LINGO1: variants seen among roughly 807,000 people sequenced by gnomAD.
LINGO1 encodes the protein leucine rich repeat and Ig domain containing 1.
Under a neutral mutation model 37.3 loss-of-function variants are expected in LINGO1, and 11 were observed. That is an observed-to-expected ratio of 0.29 (90% confidence interval 0.19 to 0.49). The LOEUF is 0.49. Among genes scored for constraint, LINGO1 ranks in the 20% least tolerant of loss-of-function variants. The pLI is 0.99. For synonymous variants in LINGO1, 387 were observed against 403.0 expected, an observed-to-expected ratio of 0.96 and a Z score of 0.48; for missense variants, 585 against 878.2, an observed-to-expected ratio of 0.67 and a Z score of 4.22.
intron 2 of LINGO1, among the ~76,000 whole-genome samples, chr15:77,724,410 C>A (rs1393800353): frequency 1.4e-4 from 21 of 152,208 alleles, no homozygotes; most frequent in Admixed American, 1.4e-3. Context: ...AACGCGGGGA[C>A]TTATCAGGTC....
intron 2 of LINGO1, among the ~76,000 whole-genome samples, chr15:77,680,137 T>C (rs972550086): frequency 3.3e-5 from 5 of 152,210 alleles, no homozygotes; most frequent in Non-Finnish European, 2.9e-5. Context: ...TTCTCTGCCA[T>C]GGTGACTGGA....
At chr15:77,740,600 A>C (rs1198564318) in intron 1 of LINGO1, among the ~76,000 whole-genome samples, 1 of 152,122 alleles carries the variant, frequency 6.6e-6, no homozygotes, top group Non-Finnish European at 1.5e-5. Context: ...GTGTGTGTCA[A>C]GGGGAAGACA....
chr15:77,619,800 C>T (rs903623469), intron 1 of LINGO1, among the ~76,000 whole-genome samples: 1 of 152,206 alleles, frequency 6.6e-6, no homozygotes, highest in Non-Finnish European at 1.5e-5. Context: ...AGCTGCCACC[C>T]CCAGGCCTGG....
chr15:77,816,694 C>A (rs1216479305), intron 1 of LINGO1, among the ~76,000 whole-genome samples: 1 of 152,034 alleles, frequency 6.6e-6, no homozygotes, highest in South Asian at 2.1e-4. Flanking sequence ...TTTTCATCCC[C>A]GGCAGAATAG....
intron 3 of LINGO1, among the ~76,000 whole-genome samples, chr15:77,657,379 G>A (rs1303033445): frequency 6.6e-6 from 1 of 152,124 alleles, no homozygotes; most frequent in Non-Finnish European, 1.5e-5. Flanking sequence ...GGGCAGTGAA[G>A]GTTGGGACCC....
chr15:77,770,609 A>G (rs1470490022), intron 1 of LINGO1, among the ~76,000 whole-genome samples: 1 of 151,382 alleles, frequency 6.6e-6, no homozygotes, highest in African/African-American at 2.4e-5. Flanking sequence ...AAAAAAAAAA[A>G]AAGATATGGA....
chr15:77,781,141 A>T (rs1270921397), intron 1 of LINGO1, among the ~76,000 whole-genome samples: 2 of 152,236 alleles, frequency 1.3e-5, no homozygotes, highest in African/African-American at 2.4e-5. Context: ...TGAGGAGCAC[A>T]GGGACAGTCC....
chr15:77,622,926 CT>C (rs2073968741), intron 1 of LINGO1, among the ~76,000 whole-genome samples: 2 of 152,236 alleles, frequency 1.3e-5, no homozygotes. Flanking sequence ...CGGCCACCCT[CT>C]GCCCACACTG....
intron 1 of LINGO1, chr15:77,796,114 A>C (rs1440279216): frequency 2.0e-5 from 3 of 152,360 alleles, no homozygotes; most frequent in Non-Finnish European, 4.4e-5. Flanking sequence ...GTCGGGGTGC[A>C]GTGGGGGCCA....
At chr15:77,711,038 C>G (rs1417368431) in intron 2 of LINGO1, among the ~76,000 whole-genome samples, 2 of 152,220 alleles carry the variant, frequency 1.3e-5, no homozygotes, top group Non-Finnish European at 2.9e-5. Context: ...CCCCAGCCCC[C>G]TCTCTGAGCC....
chr15:77,805,154 C>T (rs895571118), intron 1 of LINGO1, among the ~76,000 whole-genome samples: 3 of 152,214 alleles, frequency 2.0e-5, no homozygotes, highest in African/African-American at 7.2e-5. Context: ...CCTCAGCATC[C>T]CCTAATCCTG....
chr15:77,647,729 G>A (rs1278273845), intron 3 of LINGO1: 7 of 393,266 alleles, frequency 1.8e-5, no homozygotes, highest in South Asian at 5.7e-5. Context: ...GTGCTCCCCC[G>A]CCCCATGCCC....
intron 1 of LINGO1, among the ~76,000 whole-genome samples, chr15:77,815,648 A>G (rs1359964685): frequency 6.6e-6 from 1 of 151,904 alleles, no homozygotes; most frequent in Non-Finnish European, 1.5e-5. Flanking sequence ...GACACTTGCC[A>G]CCTCTGTATG....
At chr15:77,808,650 T>C (rs1316888789) in intron 1 of LINGO1, among the ~76,000 whole-genome samples, 1 of 152,088 alleles carries the variant, frequency 6.6e-6, no homozygotes, top group Non-Finnish European at 1.5e-5. Context: ...GAAGCAATGC[T>C]CCTATGTTCA....
At chr15:77,699,722 A>AAGCACATACTAACCATCACCTGCACACAG (rs1567532202), upstream of LINGO1, among the ~76,000 whole-genome samples, 15 of 13,352 alleles carry the variant, frequency 1.1e-3, no homozygotes, top group Admixed American at 2.7e-3. Flanking sequence ...CCCACACACA[A>AAGCACATACTAACCATCACCTGCACACAG]TAAGCACATA....
At chr15:77,672,365 A>C (rs2075265610) in intron 3 of LINGO1, among the ~76,000 whole-genome samples, 1 of 152,020 alleles carries the variant, frequency 6.6e-6, no homozygotes, top group African/African-American at 2.4e-5. Context: ...ATGCCTGCAG[A>C]GGTGTTAACT....
intron 1 of LINGO1, among the ~76,000 whole-genome samples, chr15:77,752,604 A>C (rs2076382936): frequency 6.6e-6 from 1 of 152,202 alleles, no homozygotes; most frequent in South Asian, 2.1e-4. Context: ...GGCCCCATAG[A>C]CAACCACAGC....
intron 2 of LINGO1, among the ~76,000 whole-genome samples, chr15:77,719,287 A>G (rs774714716): frequency 3.3e-5 from 5 of 149,928 alleles, no homozygotes; most frequent in Non-Finnish European, 7.4e-5. Context: ...AACCCCACAA[A>G]GTCTCCTGCC....
At chr15:77,789,642 G>C (rs1051912083), upstream of LINGO1, among the ~76,000 whole-genome samples, 1 of 152,148 alleles carries the variant, frequency 6.6e-6, no homozygotes, top group Non-Finnish European at 1.5e-5. Flanking sequence ...GTTAAATATT[G>C]TATGGAGAAC....
Sources: allele counts gnomAD v4.1 joint callset (sites outside exome capture counted in the v4.1 genomes callset), GRCh38; gene constraint gnomAD v4.1.1; transcripts MANE v1.5; gene names NCBI Gene and HGNC (gene_info 2026-07-23, HGNC 2026-07-21).